COL10A1: variants seen among roughly 807,000 people sequenced by gnomAD.
The protein encoded by COL10A1 is collagen alpha-1(X) chain.
Under a neutral mutation model 18.2 loss-of-function variants are expected in COL10A1, and 10 were observed. The ratio of observed to expected loss-of-function variants is 0.55; its 90% confidence interval spans 0.34 to 0.93. COL10A1 has a LOEUF of 0.93. Ranked by LOEUF, COL10A1 falls within the 40% of genes least tolerant of loss-of-function variation. The pLI is 0.02. For missense variants in COL10A1, 897 were observed against 853.5 expected, an observed-to-expected ratio of 1.05 and a Z score of -0.64; for synonymous variants, 330 against 316.6, an observed-to-expected ratio of 1.04 and a Z score of -0.45.
At chr6:116,126,995 T>C (rs776044806), upstream of COL10A1, among the ~76,000 whole-genome samples, 3 of 152,118 alleles carry the variant, frequency 2.0e-5, no homozygotes, top group Non-Finnish European at 4.4e-5. Context: ...TTAAAATCAG[T>C]TTTTAGGATC....
chr6:116,170,223 A>T, the COL10A1 span, among the ~76,000 whole-genome samples: 2 of 149,508 alleles, frequency 1.3e-5, no homozygotes, highest in Non-Finnish European at 3.0e-5. Context: ...GATGATATGG[A>T]ATGAAAGGAG....
the COL10A1 span, among the ~76,000 whole-genome samples, chr6:116,215,886 CTG>C: frequency 1.3e-5 from 2 of 152,132 alleles, no homozygotes; most frequent in African/African-American, 4.8e-5. Context: ...TATTTATAGA[CTG>C]TATTCAGCAC....
rs768459239 is a variant in COL10A1 at position 116,120,595 on chromosome 6, T to C, written c.1521A>G (p.Pro507=). Residue 507 remains proline, a synonymous_variant, in exon 3 of 3, where the codon CCA becomes CCG. Transcript: ENST00000651968. ...PRGHSGEPGL[P]GPPGPPGPPG... is the part of the protein sequence containing the mutation. ...GTGGGCCTGGAGGCCCAGGGGGCCC[T>C]GGAAGACCAGGCTCTCCAGAGTGGC... is the stretch of plus-strand genomic sequence containing the variant. 41 of 1,585,192 alleles carry C rather than the reference T, an allele frequency of 2.6e-5. No homozygotes were observed. Among genetic ancestry groups the C allele is most frequent in the Non-Finnish European group, 3.4e-5 (40 of 1,169,112 alleles).
chr6:116,121,641 CA>C lies in COL10A1; in HGVS notation c.474del (p.Gly159AspfsTer26). On this transcript the variant is annotated frameshift_variant, in exon 3 of 3. Transcript: ENST00000651968. LOFTEE classifies it low-confidence loss of function (END_TRUNC). Reference sequence around the variant, plus strand: ...GGGGCTCCTGTGGGTCCCTGTTGTCCAGGTTTTCCTGGCACAGAAATTCCAG... The same window carrying C: ...GGGGCTCCTGTGGGTCCCTGTTGTCCGGTTTTCCTGGCACAGAAATTCCAG... ...GPAGISVPGK[P>X]GQQGPTGAPG... The C allele has an allele frequency of 6.2e-7, 1 of 1,613,932 alleles. No individual in the cohort carries two copies. The highest frequency in any genetic ancestry group is 8.5e-7 in the Non-Finnish European group (1 of 1,179,878).
Position 116,125,945 on chromosome 6 carries a change from T to TA in COL10A1, c.-16+107dup, listed in dbSNP as rs576974731. 2.1e-3 allele frequency: 338 copies of TA among 158,646 alleles called. 1 individual carries two copies. The highest frequency in any genetic ancestry group is 7.6e-3 in the African/African-American group (315 of 41,608). 9.8% of individuals were successfully genotyped at this position (158,646 alleles called of 1,614,324 possible). On this transcript the variant is annotated intron_variant, in intron 1 of 2. Transcript: ENST00000651968. ...TGCATTTTAGTAGAAACCCATTTTT[T>TA]AAATCACTTTAATACTTCTAATACT... is the stretch of plus-strand genomic sequence containing the variant.
rs778319839 is a variant in COL10A1 at position 116,121,309 on chromosome 6, A to G, written c.807T>C (p.Ala269=). 3.1e-6 allele frequency: 5 copies of G among 1,613,772 alleles called. No individual in the cohort carries two copies. The Middle Eastern group carries it at 8.2e-4, about 266-fold the overall frequency. ...GAATCCCTGGCTGGCCTGGGGCTCC[A>G]GCAGCTCCTGGCTTTCCAATGCCTT... ...GPEGIGKPGA[A]GAPGQPGIPG... Residue 269 remains alanine (A), a synonymous_variant, in exon 3 of 3, where the codon GCT becomes GCC. Coordinates refer to ENST00000651968, the MANE Select transcript of COL10A1 (RefSeq NM_000493.4).
chr6:116,177,308 C>T, the COL10A1 span, among the ~76,000 whole-genome samples: 7 of 151,924 alleles, frequency 4.6e-5, no homozygotes, highest in East Asian at 1.9e-4. Flanking sequence ...TATTCATGGG[C>T]GTTATAGACT....
chr6:116,163,135 A>ATATATATAT (rs1554197048), upstream of COL10A1, among the ~76,000 whole-genome samples: 2 of 98,570 alleles, frequency 2.0e-5, no homozygotes, highest in Non-Finnish European at 4.0e-5. Flanking sequence ...TCAAAAAAAA[A>ATATATATAT]AAAAAAATAT....
the COL10A1 span, among the ~76,000 whole-genome samples, chr6:116,182,117 G>GTT: frequency 1.3e-5 from 2 of 151,770 alleles, no homozygotes; most frequent in African/African-American, 4.8e-5. Context: ...GAGAACATTG[G>GTT]TTTTCCATTC....
rs1385794247 is a variant in COL10A1 at position 116,120,912 on chromosome 6, T to C, written c.1204A>G (p.Asn402Asp). Residue 402 changes from asparagine (N) to aspartate (D), a missense_variant, in exon 3 of 3, where the codon AAC (asparagine) becomes GAC (aspartate). Asn to Asp is a conservative substitution (Grantham distance 23, BLOSUM62 1). Coordinates refer to ENST00000651968, the MANE Select transcript of COL10A1 (RefSeq NM_000493.4). ...GKPGLDGPKG[N>D]PGLPGPKGDP... ...CCTTTTGGACCTGGTAACCCTGGGTTACCCTTAGGACCATCGAGACCTGGT... is the reference window on the plus strand; with the variant it reads ...CCTTTTGGACCTGGTAACCCTGGGTCACCCTTAGGACCATCGAGACCTGGT... 1 of 1,613,854 alleles carries C rather than the reference T, an allele frequency of 6.2e-7. No homozygotes were observed. The highest frequency in any genetic ancestry group is 1.1e-5 in the South Asian group (1 of 91,076).
At chr6:116,191,733 A>G in the COL10A1 span, among the ~76,000 whole-genome samples, 11 of 152,062 alleles carry the variant, frequency 7.2e-5, no homozygotes, top group Non-Finnish European at 1.0e-4. Flanking sequence ...ATAAGTTTCT[A>G]GGATTACTAT....
At chr6:116,216,237 A>G in the COL10A1 span, among the ~76,000 whole-genome samples, 1 of 152,168 alleles carries the variant, frequency 6.6e-6, no homozygotes, top group Non-Finnish European at 1.5e-5. Flanking sequence ...ATAAAATTCA[A>G]AAGTCCCTGC....
intron 1 of COL10A1, among the ~76,000 whole-genome samples, chr6:116,155,129 G>A (rs1043661560): frequency 1.3e-5 from 2 of 152,128 alleles, no homozygotes; most frequent in Non-Finnish European, 2.9e-5. Flanking sequence ...AAAGTATGTG[G>A]TTGAGTATGA....
chr6:116,126,847 A>G (rs1779329077), upstream of COL10A1, among the ~76,000 whole-genome samples: 2 of 152,134 alleles, frequency 1.3e-5, 1 homozygote, highest in South Asian at 4.1e-4. Context: ...CTTTGCTTTC[A>G]GCTTAAAAAA....
intron 1 of COL10A1, among the ~76,000 whole-genome samples, chr6:116,155,174 T>C (rs1481199852): frequency 6.6e-6 from 1 of 152,184 alleles, no homozygotes; most frequent in Non-Finnish European, 1.5e-5. Flanking sequence ...TTGGATTAGT[T>C]AAGGTTACAA....
At chr6:116,142,839 G>A (rs895890942) in intron 1 of COL10A1, among the ~76,000 whole-genome samples, 11 of 152,148 alleles carry the variant, frequency 7.2e-5, no homozygotes, top group South Asian at 4.1e-4. Flanking sequence ...TTATTTTCGT[G>A]TTCTGATGCC....
chr6:116,198,809 CT>C, the COL10A1 span, among the ~76,000 whole-genome samples: 1 of 152,078 alleles, frequency 6.6e-6, no homozygotes, highest in South Asian at 2.1e-4. Context: ...AAAGTGGGGA[CT>C]TTTTCTTCTG....
chr6:116,144,648 G>C (rs76017197), intron 1 of COL10A1, among the ~76,000 whole-genome samples: 1 of 152,152 alleles, frequency 6.6e-6, no homozygotes, highest in East Asian at 1.9e-4. Flanking sequence ...GTTAGTAAAC[G>C]GACTCTTAGA....
At chr6:116,196,585 T>A in the COL10A1 span, among the ~76,000 whole-genome samples, 1 of 151,982 alleles carries the variant, frequency 6.6e-6, no homozygotes, top group Non-Finnish European at 1.5e-5. Flanking sequence ...TATCAAATTA[T>A]ATATAGTATA....
Sources: allele counts gnomAD v4.1 joint callset (sites outside exome capture counted in the v4.1 genomes callset), GRCh38; gene constraint gnomAD v4.1.1; transcripts MANE v1.5; gene names NCBI Gene and HGNC (gene_info 2026-07-23, HGNC 2026-07-21).